OR51B5: variants seen among roughly 807,000 people sequenced by gnomAD.
OR51B5 encodes olfactory receptor family 51 subfamily B member 5.
For synonymous variants in OR51B5, 186 were observed against 144.8 expected, an observed-to-expected ratio of 1.28 and a Z score of -2.04; for missense variants, 456 against 374.6, an observed-to-expected ratio of 1.22 and a Z score of -1.79.
intron 1 of OR51B5, chr11:5,489,498 C>G (rs1343309324): frequency 6.2e-7 from 1 of 1,614,078 alleles, no homozygotes; most frequent in East Asian, 2.2e-5. Context: ...CCTTCCTCAC[C>G]CACCGCTTTG....
intron 1 of OR51B5, among the ~76,000 whole-genome samples, chr11:5,488,039 C>G (rs1412406703): frequency 6.6e-6 from 1 of 152,008 alleles, no homozygotes; most frequent in Non-Finnish European, 1.5e-5. Context: ...ATCATTATAT[C>G]ATTAATTTAA....
chr11:5,397,198 A>G (rs1172344746), intron 1 of OR51B5, among the ~76,000 whole-genome samples: 2 of 152,248 alleles, frequency 1.3e-5, no homozygotes, highest in African/African-American at 4.8e-5. Context: ...GCCAAAATTC[A>G]CTAATGGGAT....
At chr11:5,342,374 T>C (rs1233091018), downstream of OR51B5, 1 of 166,530 alleles carries the variant, frequency 6.0e-6, no homozygotes, top group Non-Finnish European at 1.2e-5. Context: ...TAGAGAAATA[T>C]TCCGTTTACA....
chr11:5,412,786 G>T (rs11037336), intron 1 of OR51B5, among the ~76,000 whole-genome samples: 124,474 of 151,560 alleles, frequency 0.82, 51,952 homozygotes, highest in Non-Finnish European at 0.89. Context: ...CAAAGCAGCC[G>T]GGAAGCTCCA....
chr11:5,438,576 A>C (rs928472077), intron 1 of OR51B5, among the ~76,000 whole-genome samples: 11 of 152,178 alleles, frequency 7.2e-5, no homozygotes, highest in African/African-American at 2.7e-4. Flanking sequence ...GACTGCCATT[A>C]TCTATTGCTC....
chr11:5,484,942 C>A (rs567664611), intron 1 of OR51B5, among the ~76,000 whole-genome samples: 1 of 152,188 alleles, frequency 6.6e-6, no homozygotes, highest in African/African-American at 2.4e-5. Context: ...TTCTTCATAG[C>A]TTTATAGGTT....
At chr11:5,369,351 TTAACAA>T (rs1356814149) in intron 1 of OR51B5, among the ~76,000 whole-genome samples, 1 of 152,178 alleles carries the variant, frequency 6.6e-6, no homozygotes, top group African/African-American at 2.4e-5. Flanking sequence ...TGGAATACTA[TTAACAA>T]TAATATTTTA....
chr11:5,411,886 C>T (rs1279423435), intron 1 of OR51B5, among the ~76,000 whole-genome samples: 1 of 152,114 alleles, frequency 6.6e-6, no homozygotes, highest in Non-Finnish European at 1.5e-5. Context: ...TGTGGTTGGC[C>T]TCTACAAGCT....
At chr11:5,426,829 A>G (rs758309739) in intron 1 of OR51B5, among the ~76,000 whole-genome samples, 2 of 152,242 alleles carry the variant, frequency 1.3e-5, no homozygotes, top group Non-Finnish European at 2.9e-5. Context: ...CAATTATCTT[A>G]AAACTCCTTT....
At chr11:5,457,360 T>G (rs1324758098) in intron 1 of OR51B5, among the ~76,000 whole-genome samples, 1 of 152,252 alleles carries the variant, frequency 6.6e-6, no homozygotes, top group Non-Finnish European at 1.5e-5. Context: ...ATGTACCACA[T>G]TTTCTTTAAC....
At chr11:5,400,062 G>A (rs1849943882) in intron 1 of OR51B5, among the ~76,000 whole-genome samples, 1 of 152,164 alleles carries the variant, frequency 6.6e-6, no homozygotes, top group Admixed American at 6.5e-5. Context: ...AGGAACATAA[G>A]GGCATAAGAA....
At position 5,501,457 on chromosome 11, in the gene OR51B5, G is replaced by C. The variant is rs1232614010; in HGVS notation, n.84+4112C>G. ...TTATTATACTCAGGATAAAATCCAAGTTCCTTGACTAGCTCTAAAGCCTCC... is the reference window on the plus strand; with the variant it reads ...TTATTATACTCAGGATAAAATCCAACTTCCTTGACTAGCTCTAAAGCCTCC... On this transcript the variant is annotated intron_variant and non_coding_transcript_variant, in intron 1 of 4. Coordinates refer to the OR51B5 transcript ENST00000415970. Among the ~76,000 whole-genome samples, 7 of 147,918 alleles carry C rather than the reference G, an allele frequency of 4.7e-5. 1 individual carries two copies. In the Admixed American group the frequency reaches 4.9e-4, roughly 10 times the overall value.
intron 1 of OR51B5, among the ~76,000 whole-genome samples, chr11:5,483,243 A>C (rs1157399353): frequency 6.8e-6 from 1 of 146,762 alleles, no homozygotes; most frequent in Non-Finnish European, 1.5e-5. Flanking sequence ...CATTCTCAGT[A>C]AACTATTGCA....
chr11:5,490,817 C>T (rs1160280023), intron 1 of OR51B5, among the ~76,000 whole-genome samples: 1 of 152,180 alleles, frequency 6.6e-6, no homozygotes, highest in Non-Finnish European at 1.5e-5. Context: ...CACTTTACTG[C>T]CCTCAGCATT....
chr11:5,449,586 C>T (rs7945308), intron 1 of OR51B5, among the ~76,000 whole-genome samples: 5,256 of 152,206 alleles, frequency 0.035, 247 homozygotes, highest in African/African-American at 0.11. Flanking sequence ...TAACCCCAAG[C>T]GATTCATTGA....
At chr11:5,480,400 A>C (rs1410614426) in intron 1 of OR51B5, among the ~76,000 whole-genome samples, 1 of 152,048 alleles carries the variant, frequency 6.6e-6, no homozygotes, top group Non-Finnish European at 1.5e-5. Context: ...CCACAAGAGA[A>C]AGCAGGAAAG....
chr11:5,360,356 A>G lies in OR51B5; in HGVS notation n.85-13446T>C, dbSNP rs1341989368. ...GATATGAACAGACACTTCTCAAAAG[A>G]AGACATTTATGCAGTCAACAGACAC... is the stretch of plus-strand genomic sequence containing the variant. On this transcript the variant is annotated intron_variant and non_coding_transcript_variant, in intron 1 of 4. Transcript: ENST00000415970. 2.0e-5 allele frequency among the ~76,000 whole-genome samples: 3 copies of G among 152,100 alleles called. No individual in the cohort carries two copies. In the East Asian group the frequency reaches 5.8e-4, roughly 29 times the overall value.
intron 1 of OR51B5, chr11:5,488,572 AAAAC>A: frequency 1.4e-6 from 1 of 697,706 alleles, no homozygotes; most frequent in Non-Finnish European, 2.4e-6. Flanking sequence ...GTACAAGTGA[AAAAC>A]AAATTTTTTT....
At chr11:5,457,282 C>T (rs1034581446) in intron 1 of OR51B5, among the ~76,000 whole-genome samples, 4 of 152,080 alleles carry the variant, frequency 2.6e-5, no homozygotes, top group African/African-American at 4.8e-5. Context: ...GGCCTCAAGC[C>T]GCATCCATGT....
Sources: gnomAD v4.1 joint callset for allele counts (sites outside exome capture counted in the v4.1 genomes callset) on GRCh38, gnomAD v4.1.1 for gene constraint, MANE v1.5 for transcripts, NCBI Gene and HGNC (gene_info 2026-07-23, HGNC 2026-07-21) for gene names.